Variants in RYR2 observed in about 807,000 individuals in gnomAD.
RYR2 encodes ryanodine receptor 2.
In RYR2, 227 loss-of-function variants were observed where a neutral mutation model predicts 601.1. The ratio of observed to expected loss-of-function variants is 0.38; its 90% CI spans 0.34 to 0.42. RYR2 has a LOEUF of 0.42. Among genes scored for constraint, RYR2 ranks in the 10% least tolerant of loss-of-function variants. The pLI, the probability that RYR2 is intolerant of heterozygous loss-of-function variation, is 1.00. For synonymous variants in RYR2, 2,223 were observed against 2,175.1 expected (o/e 1.02, Z -0.61); for missense variants, 4,646 against 6,156.5 (o/e 0.75, Z 8.21).
chr1:237,485,489 T>C (rs1662587045), intron 17 of RYR2, among the ~76,000 whole-genome samples: 1 of 152,212 alleles, frequency 6.6e-6, no homozygotes, highest in Non-Finnish European at 1.5e-5. Context: ...AAAGGAGGAA[T>C]AATTAATTCA....
At chr1:237,315,113 A>T (rs1458873082) in intron 2 of RYR2, among the ~76,000 whole-genome samples, 1 of 152,182 alleles carries the variant, frequency 6.6e-6, no homozygotes, top group Non-Finnish European at 1.5e-5. Flanking sequence ...TTAGTAACCT[A>T]CATGTGAATG....
intron 1 of RYR2, among the ~76,000 whole-genome samples, chr1:237,205,767 G>A (rs913149790): frequency 3.3e-5 from 5 of 152,362 alleles, no homozygotes; most frequent in South Asian, 2.1e-4. Flanking sequence ...GGCTGGAGAC[G>A]GAGGTCCTGC....
chr1:237,395,646 A>G (rs1572130191), intron 10 of RYR2, among the ~76,000 whole-genome samples: 1 of 144,862 alleles, frequency 6.9e-6, no homozygotes, highest in Admixed American at 7.3e-5. Context: ...TCCCGGGTTC[A>G]TGCCATTCTC....
intron 10 of RYR2, among the ~76,000 whole-genome samples, chr1:237,391,049 G>A (rs1223446899): frequency 2.0e-5 from 3 of 152,094 alleles, no homozygotes; most frequent in African/African-American, 7.2e-5. Context: ...GTTATACTGG[G>A]ATTGAGCAAT....
At chr1:237,568,164 C>A (rs1672292072) in intron 28 of RYR2, among the ~76,000 whole-genome samples, 1 of 151,982 alleles carries the variant, frequency 6.6e-6, no homozygotes, top group South Asian at 2.1e-4. Flanking sequence ...TGGGAACAGG[C>A]ATGGGGTGGG....
intron 100 of RYR2, among the ~76,000 whole-genome samples, chr1:237,816,131 A>G (rs1186782684): frequency 6.6e-6 from 1 of 152,146 alleles, no homozygotes; most frequent in Non-Finnish European, 1.5e-5. Context: ...CTGTTGGCTC[A>G]CTGTGGGGAT....
At chr1:237,795,856 G>GTATATGTA (rs1472262818) in intron 96 of RYR2, among the ~76,000 whole-genome samples, 1 of 79,702 alleles carries the variant, frequency 1.3e-5, no homozygotes, top group Admixed American at 1.5e-4. Flanking sequence ...ATATGTATAT[G>GTATATGTA]TATATATATA....
chr1:237,579,245 CTTCTTT>C (rs1673610416), intron 29 of RYR2, among the ~76,000 whole-genome samples: 1 of 98,196 alleles, frequency 1.0e-5, no homozygotes, highest in African/African-American at 3.8e-5. Flanking sequence ...ACTTCTTCTT[CTTCTTT>C]TTTTTTTTTT....
At chr1:237,416,343 T>G (rs1704981762) in intron 10 of RYR2, among the ~76,000 whole-genome samples, 1 of 152,164 alleles carries the variant, frequency 6.6e-6, no homozygotes, top group African/African-American at 2.4e-5. Flanking sequence ...GTGCATCAGC[T>G]TTGGTTTCCA....
intron 33 of RYR2, among the ~76,000 whole-genome samples, chr1:237,594,886 GTTTTTTTTTT>G (rs776702428): frequency 1.8e-4 from 11 of 60,418 alleles, no homozygotes; most frequent in African/African-American, 4.8e-4. Flanking sequence ...ATATCACTGG[GTTTTTTTTTT>G]TTTTTTTTTT....
intron 2 of RYR2, among the ~76,000 whole-genome samples, chr1:237,316,522 T>C (rs969765936): frequency 6.6e-6 from 1 of 152,228 alleles, no homozygotes; most frequent in African/African-American, 2.4e-5. Flanking sequence ...TACTGTGATG[T>C]GTTTGCTCTC....
At chr1:237,331,724 C>G (rs1276089470) in intron 3 of RYR2, among the ~76,000 whole-genome samples, 1 of 151,354 alleles carries the variant, frequency 6.6e-6, no homozygotes, top group Non-Finnish European at 1.5e-5. Context: ...CCATGTTGGC[C>G]AGGATGGTCT....
At chr1:237,048,381 G>A (rs1009731204) in intron 1 of RYR2, among the ~76,000 whole-genome samples, 5 of 151,946 alleles carry the variant, frequency 3.3e-5, no homozygotes, top group East Asian at 1.9e-4. Context: ...TTCATACTCC[G>A]TTAGCTTCTT....
intron 1 of RYR2, among the ~76,000 whole-genome samples, chr1:237,107,513 C>T (rs1668859783): frequency 2.3e-4 from 1 of 4,300 alleles, no homozygotes; most frequent in Admixed American, 0.014. Context: ...GAGTGAGACT[C>T]CATCTCAAAA....
At chr1:237,417,477 C>T (rs1025201777) in intron 11 of RYR2, among the ~76,000 whole-genome samples, 2 of 152,162 alleles carry the variant, frequency 1.3e-5, no homozygotes, top group East Asian at 1.9e-4. Flanking sequence ...ACGACAAGTT[C>T]TTTGCAAGCC....
chr1:237,638,329 A>G (rs760447334), intron 44 of RYR2, 28 bp from the exon 45 acceptor site: 2 of 1,613,470 alleles, frequency 1.2e-6, no homozygotes, highest in African/African-American at 2.7e-5. Context: ...GCCAAGGGAT[A>G]ACTCTTTGTT....
At chr1:237,620,979 G>C (rs1679014979) in intron 38 of RYR2, among the ~76,000 whole-genome samples, 1 of 152,090 alleles carries the variant, frequency 6.6e-6, no homozygotes, top group Non-Finnish European at 1.5e-5. Context: ...CTTTTCAAGT[G>C]TTCATGAAAC....
At chr1:237,439,415 T>G (rs1349452656) in intron 12 of RYR2, among the ~76,000 whole-genome samples, 2 of 152,026 alleles carry the variant, frequency 1.3e-5, no homozygotes, top group Non-Finnish European at 2.9e-5. Context: ...GAGGCCGAGG[T>G]GGGTGGATCA....
At position 237,106,135 on chromosome 1, in the gene RYR2, T is replaced by TAGCCA. The variant is rs1668654717; in HGVS notation, c.48+63566_48+63567insAGCCA. Among the ~76,000 whole-genome samples the TAGCCA allele has an allele frequency of 6.6e-6, 1 of 152,140 alleles. No homozygotes were observed. Among genetic ancestry groups the TAGCCA allele is most frequent in the Non-Finnish European group, 1.5e-5 (1 of 68,024 alleles). On this transcript the variant is annotated intron_variant, in intron 1 of 104. Transcript: ENST00000366574. The surrounding 1 kb of genome is among the most constrained non-coding windows in gnomAD (Gnocchi z 4.4). ...GAGGACTGGGCTCTTGCTATTACTT[T>TAGCCA]TAGCCATATGGGAGTCATTGCAATC...
Sources: gnomAD v4.1 joint callset for allele counts (sites outside exome capture counted in the v4.1 genomes callset) on GRCh38, gnomAD v4.1.1 for gene constraint, Gnocchi (gnomAD v3.1) non-coding constraint, MANE v1.5 for transcripts, NCBI Gene and HGNC (gene_info 2026-07-23, HGNC 2026-07-21) for gene names.